Variants in TENM2 observed in about 807,000 individuals in gnomAD.
TENM2 encodes the protein teneurin transmembrane protein 2.
In TENM2, 52 loss-of-function variants were observed where a neutral mutation model predicts 245.2. That is an observed-to-expected ratio of 0.21 (90% CI 0.17 to 0.27). The LOEUF (loss-of-function observed/expected upper bound fraction) is 0.27, where lower values mean the gene tolerates loss of function less well. Among genes scored for constraint, TENM2 ranks in the 10% least tolerant of loss-of-function variants. The pLI, the probability that TENM2 is intolerant of heterozygous loss-of-function variation, is 1.00. For synonymous variants in TENM2, 1,363 were observed against 1,438.9 expected (o/e 0.95, Z 1.19); for missense variants, 3,046 against 3,666.8 (o/e 0.83, Z 4.37).
chr5:168,214,206 C>T (rs544692122), intron 20 of TENM2, among the ~76,000 whole-genome samples: 2 of 152,368 alleles, frequency 1.3e-5, no homozygotes, highest in East Asian at 1.9e-4. Context: ...ACAAGTCTTA[C>T]TCTGTCCTAG....
At chr5:167,169,444 A>G in the TENM2 span, among the ~76,000 whole-genome samples, 3 of 152,178 alleles carry the variant, frequency 2.0e-5, no homozygotes. Flanking sequence ...CTGTGGTCAC[A>G]TTGCAACTCT....
chr5:167,230,869 T>C, the TENM2 span, among the ~76,000 whole-genome samples: 1 of 152,204 alleles, frequency 6.6e-6, no homozygotes, highest in African/African-American at 2.4e-5. Context: ...CCAAATCTCG[T>C]CTTGAATTAT....
At chr5:167,152,356 A>G in the TENM2 span, among the ~76,000 whole-genome samples, 2 of 152,278 alleles carry the variant, frequency 1.3e-5, no homozygotes, top group African/African-American at 4.8e-5. Context: ...TCATCTTGAG[A>G]TTTATTATAT....
the TENM2 span, among the ~76,000 whole-genome samples, chr5:167,231,315 GA>G: frequency 1.3e-5 from 2 of 152,244 alleles, no homozygotes; most frequent in Admixed American, 6.5e-5. Context: ...GAAGATGTGG[GA>G]AGGTTTGGAA....
intron 2 of TENM2, among the ~76,000 whole-genome samples, chr5:167,527,037 A>C (rs1265451139): frequency 6.6e-6 from 1 of 151,854 alleles, no homozygotes. Flanking sequence ...CTCTGGACTA[A>C]AGAATCTTTG....
intron 4 of TENM2, among the ~76,000 whole-genome samples, chr5:167,982,378 A>G (rs886590123): frequency 6.6e-6 from 1 of 152,176 alleles, no homozygotes; most frequent in African/African-American, 2.4e-5. Flanking sequence ...ACCATGTGAT[A>G]TATATTCCAT....
At chr5:168,237,207 G>A (rs58958616) in intron 25 of TENM2, among the ~76,000 whole-genome samples, 3,179 of 148,164 alleles carry the variant, frequency 0.021, 117 homozygotes, top group African/African-American at 0.075. Flanking sequence ...AAGTAAAGAC[G>A]GGGTTTCATC....
rs148178312 is a variant in TENM2, at chr5:168,022,998, A to G, written c.1187-24429A>G. On this transcript the variant is annotated intron_variant, in intron 5 of 28. Transcript: ENST00000518659. ...ACACCCCACTCCCCTGTCGTTCTCT[A>G]AGCAATGGAAGAAGTTTGCTTGGCC... 2.7e-3 allele frequency among the ~76,000 whole-genome samples: 416 copies of G among 152,206 alleles called. 2 individuals are homozygous for G. The highest frequency in any genetic ancestry group is 8.9e-3 in the African/African-American group (370 of 41,518).
At chr5:167,485,911 A>G (rs1251109813) in intron 2 of TENM2, among the ~76,000 whole-genome samples, 1 of 152,170 alleles carries the variant, frequency 6.6e-6, no homozygotes, top group Non-Finnish European at 1.5e-5. Flanking sequence ...ACATATATGG[A>G]ACTCGATAGG....
chr5:167,625,602 G>C (rs896189131), intron 2 of TENM2, among the ~76,000 whole-genome samples: 11 of 152,184 alleles, frequency 7.2e-5, no homozygotes, highest in African/African-American at 2.2e-4. Context: ...GATAAGGAAA[G>C]TCTGCTCAGA....
At chr5:167,534,407 T>C (rs1277539512) in intron 2 of TENM2, among the ~76,000 whole-genome samples, 1 of 152,150 alleles carries the variant, frequency 6.6e-6, no homozygotes, top group East Asian at 1.9e-4. Context: ...CCTGTGCAAA[T>C]TGCCTTTGGA....
At chr5:167,755,944 C>T (rs970191570) in intron 2 of TENM2, among the ~76,000 whole-genome samples, 1 of 152,064 alleles carries the variant, frequency 6.6e-6, no homozygotes, top group Admixed American at 6.6e-5. Flanking sequence ...TTTTCTAGGG[C>T]AACGTATGTT....
In TENM2 at chr5:167,849,299, T is replaced by C. The variant is rs56934789; in HGVS notation, c.503-26687T>C. On this transcript the variant is annotated intron_variant, in intron 2 of 28. Coordinates refer to ENST00000518659, the Ensembl canonical transcript of TENM2. ...TTAACTTATTACAGCTGCAAATTCC[T>C]TTTTACCATGTGCACCAACTACCAG... Among the ~76,000 whole-genome samples the C allele has an allele frequency of 1.2e-3, 190 of 152,250 alleles. 2 individuals carry two copies. In the East Asian group the frequency reaches 0.023, roughly 18 times the overall value.
At chr5:167,912,173 A>C (rs969086276) in intron 3 of TENM2, among the ~76,000 whole-genome samples, 1 of 152,154 alleles carries the variant, frequency 6.6e-6, no homozygotes, top group Non-Finnish European at 1.5e-5. Context: ...TCCAGCCCCT[A>C]GTAACCACCA....
intron 5 of TENM2, among the ~76,000 whole-genome samples, chr5:168,002,778 A>G (rs1271654468): frequency 6.6e-6 from 1 of 152,234 alleles, no homozygotes; most frequent in Admixed American, 6.5e-5. Context: ...TATTAAATGT[A>G]CTTGAATAGG....
At chr5:167,704,657 A>G (rs1283753889) in intron 2 of TENM2, among the ~76,000 whole-genome samples, 3 of 152,232 alleles carry the variant, frequency 2.0e-5, no homozygotes, top group Non-Finnish European at 4.4e-5. Context: ...AAGGCTTTGA[A>G]TAAGAACTGC....
rs562515004 is a variant in TENM2, at chr5:168,161,136, G to A, written c.2423-1475G>A. Reference sequence around the variant, plus strand: ...GCTAGGTGAAGGCCTCTGGAACACCGGAGAGAAGAGCAGGGGAGATGCATG... The same window carrying A: ...GCTAGGTGAAGGCCTCTGGAACACCAGAGAGAAGAGCAGGGGAGATGCATG... On this transcript the variant is annotated intron_variant, in intron 12 of 28. Coordinates refer to ENST00000518659, the Ensembl canonical transcript of TENM2. Among the ~76,000 whole-genome samples the A allele has an allele frequency of 7.9e-5, 12 of 152,296 alleles. No individual in the cohort carries two copies. The South Asian group carries it at 1.2e-3, about 16-fold the overall frequency.
chr5:167,201,595 A>G, the TENM2 span, among the ~76,000 whole-genome samples: 1 of 152,166 alleles, frequency 6.6e-6, no homozygotes, highest in African/African-American at 2.4e-5. Context: ...GATAGAAAGA[A>G]TGCCTTCTGA....
chr5:167,511,578 A>G, intron 2 of TENM2, among the ~76,000 whole-genome samples: 1 of 152,178 alleles, frequency 6.6e-6, no homozygotes, highest in East Asian at 1.9e-4. Context: ...TGGCAGAGAG[A>G]AATTTACTTC....
Sources: allele counts gnomAD v4.1 joint callset (sites outside exome capture counted in the v4.1 genomes callset), GRCh38; gene constraint gnomAD v4.1.1; transcripts MANE v1.5; gene names NCBI Gene and HGNC (gene_info 2026-07-23, HGNC 2026-07-21).